Variants in EPB41 observed in about 807,000 individuals in gnomAD.
EPB41 encodes protein 4.1.
Under a neutral mutation model 108.0 loss-of-function variants are expected in EPB41, and 65 were observed. That is an observed-to-expected ratio of 0.60 (90% CI 0.49 to 0.74). EPB41 has a LOEUF of 0.74. Ranked by LOEUF, EPB41 falls within the 30% of genes least tolerant of loss-of-function variation. EPB41 has a pLI of 0.00. For missense variants in EPB41, 875 were observed against 1,037.0 expected (o/e 0.84, Z 2.15); for synonymous variants, 336 against 358.9 (o/e 0.94, Z 0.72).
At chr1:29,108,988 G>A (rs2151669465) in intron 17 of EPB41, among the ~76,000 whole-genome samples, 2 of 151,760 alleles carry the variant, frequency 1.3e-5, no homozygotes, top group African/African-American at 4.8e-5. Flanking sequence ...CACCTGAGGT[G>A]GGGAGTTTGA....
chr1:28,962,802 A>G (rs776976399), intron 1 of EPB41, among the ~76,000 whole-genome samples: 1 of 152,152 alleles, frequency 6.6e-6, no homozygotes, highest in Non-Finnish European at 1.5e-5. Flanking sequence ...TTGTTTATGT[A>G]GCTGCTGGAG....
intron 5 of EPB41, 94 bp from the exon 6 acceptor site, chr1:29,015,598 A>G: frequency 1.2e-6 from 1 of 864,196 alleles, no homozygotes; most frequent in Non-Finnish European, 1.9e-6. Context: ...AAAGAAAGAA[A>G]AAGAAAAAGA....
Position 29,065,273 on chromosome 1 carries a change from A to G in EPB41, c.2184+115A>G, listed in dbSNP as rs527543544. ...AGCTGAAATTTGGATTTGGTGCCTC[A>G]CTATATTCATTGCTGCTTTAAGGCA... On this transcript the variant is annotated intron_variant, in intron 16 of 20. Transcript: ENST00000343067. 1.7e-5 allele frequency: 24 copies of G among 1,418,290 alleles called. No individual in the cohort carries two copies. In the South Asian group the frequency reaches 3.8e-4, roughly 22 times the overall value. 87.9% of individuals were successfully genotyped at this position (1,418,290 alleles called of 1,614,324 possible).
chr1:29,090,216 T>G (rs1339269291), intron 16 of EPB41, among the ~76,000 whole-genome samples: 1 of 152,002 alleles, frequency 6.6e-6, no homozygotes, highest in Non-Finnish European at 1.5e-5. Context: ...TGAATCAAGA[T>G]TGCACCACTC....
At chr1:28,907,001 G>T (rs752947903) in intron 1 of EPB41, among the ~76,000 whole-genome samples, 105 of 151,262 alleles carry the variant, frequency 6.9e-4, no homozygotes, top group Non-Finnish European at 1.4e-3. Flanking sequence ...TCAATCTCCT[G>T]ACCTCATGAT....
chr1:29,065,070 C>T lies in EPB41; in HGVS notation c.2096C>T (p.Pro699Leu). The T allele has an allele frequency of 1.2e-6, 2 of 1,614,170 alleles. No homozygotes were observed. The highest frequency in any genetic ancestry group is 1.3e-5 in the African/African-American group (1 of 75,032). Residue 699 changes from proline to leucine, a missense_variant, in exon 16 of 21, where the codon CCA becomes CTA. Pro to Leu is a moderately conservative substitution (Grantham distance 98). This residue lies in a region of EPB41 where 519 missense variants were observed against 627.3 expected (regional missense o/e 0.83). Transcript: ENST00000343067. ...AACTTCATGGAGTCTGTACCAGAAC[C>T]ACGGCCTAGTGAATGGGATAAACGC... The part of the protein sequence containing the change: ...KKNFMESVPE[P>L]RPSEWDKRLS...
intron 1 of EPB41, among the ~76,000 whole-genome samples, chr1:28,925,286 A>AT (rs2148388497): frequency 6.6e-6 from 1 of 151,986 alleles, no homozygotes; most frequent in East Asian, 1.9e-4. Flanking sequence ...TTTAAATGAA[A>AT]TTTTTTGTAG....
At chr1:28,965,126 GTAAT>G (rs1476271623) in intron 1 of EPB41, among the ~76,000 whole-genome samples, 1 of 152,030 alleles carries the variant, frequency 6.6e-6, no homozygotes, top group Non-Finnish European at 1.5e-5. Context: ...GATGAATTCA[GTAAT>G]TATTTAATTA....
intron 17 of EPB41, among the ~76,000 whole-genome samples, chr1:29,107,404 A>G (rs1667558803): frequency 6.6e-6 from 1 of 152,122 alleles, no homozygotes; most frequent in African/African-American, 2.4e-5. Flanking sequence ...TGTTTTCTTA[A>G]CTGTACAATG....
At chr1:28,902,228 C>A (rs945877853) in intron 1 of EPB41, 29 of 985,284 alleles carry the variant, frequency 2.9e-5, no homozygotes, top group South Asian at 4.7e-5. Flanking sequence ...GCTGGGTCAA[C>A]CCTGAGGCTC....
At position 29,063,508 on chromosome 1, in the gene EPB41, C is replaced by G. The variant is rs115399203; in HGVS notation, c.2008-1474C>G. Reference sequence around the variant, plus strand: ...CGTCTCACTGATTATTCTTCTTATGCTGTTTTCCCTTTGACATTGCTTTTG... The same window carrying G: ...CGTCTCACTGATTATTCTTCTTATGGTGTTTTCCCTTTGACATTGCTTTTG... On this transcript the variant is annotated intron_variant, in intron 15 of 20. Transcript: ENST00000343067. Among the ~76,000 whole-genome samples, 1,097 of 152,270 alleles carry G rather than the reference C, an allele frequency of 7.2e-3. 13 individuals carry two copies. The highest frequency in any genetic ancestry group is 0.026 in the African/African-American group (1,065 of 41,536).
chr1:28,979,317 A>T lies in EPB41; in HGVS notation c.-7-8114A>T, dbSNP rs1468855832. ...ATACTTACAAAATTTGTAGACCACA[A>T]CCACTCTCCAAATACAAGTGCGGTG... On this transcript the variant is annotated intron_variant, in intron 1 of 20. Transcript: ENST00000343067. Among the ~76,000 whole-genome samples the T allele has an allele frequency of 2.0e-5, 3 of 151,540 alleles. No individual in the cohort carries two copies. The South Asian group carries it at 6.2e-4, about 32-fold the overall frequency.
intron 1 of EPB41, among the ~76,000 whole-genome samples, chr1:28,891,364 C>A (rs1231945762): frequency 6.6e-6 from 1 of 152,140 alleles, no homozygotes; most frequent in Non-Finnish European, 1.5e-5. Context: ...GAGGAAGAGA[C>A]TGAGGTTGGA....
intron 1 of EPB41, among the ~76,000 whole-genome samples, chr1:28,949,854 G>A (rs780055262): frequency 3.0e-4 from 46 of 151,954 alleles, no homozygotes; most frequent in Non-Finnish European, 2.9e-5. Context: ...TGCCCGCCTC[G>A]GCCTCCCAAA....
intron 20 of EPB41, among the ~76,000 whole-genome samples, chr1:29,116,101 TC>T (rs1314598015): frequency 6.7e-6 from 1 of 149,534 alleles, no homozygotes; most frequent in African/African-American, 2.5e-5. Context: ...CACTTCACCT[TC>T]CCCCTCTCTT....
intron 1 of EPB41, among the ~76,000 whole-genome samples, chr1:28,943,304 A>G (rs950567334): frequency 2.6e-5 from 4 of 152,230 alleles, no homozygotes; most frequent in African/African-American, 7.2e-5. Flanking sequence ...ACAGATGACA[A>G]ACAGGCATAT....
At chr1:29,045,458 A>T (rs1208542084) in intron 11 of EPB41, among the ~76,000 whole-genome samples, 1 of 151,326 alleles carries the variant, frequency 6.6e-6, no homozygotes, top group African/African-American at 2.4e-5. Context: ...GGCCCAGGTG[A>T]TCCTCCCACC....
rs1285034986 is a variant in EPB41 at position 29,119,876 on chromosome 1, AG to A, written c.*3066del. 2.6e-5 allele frequency: 4 copies of A among 152,682 alleles called. No homozygotes were observed. The highest frequency in any genetic ancestry group is 5.9e-5 in the Non-Finnish European group (4 of 68,044). The allele number at this position is 152,682 out of a possible 1,614,324, so 9.5% of individuals were successfully genotyped here. ...AGTTGTTTACATTTCTTGAAAAAAT[AG>A]GAACTCGGGCAGCAGAATCAGATTG... On this transcript the variant is annotated 3_prime_UTR_variant, in exon 21 of 21. Transcript: ENST00000343067.
intron 1 of EPB41, among the ~76,000 whole-genome samples, chr1:28,962,139 C>T (rs941202330): frequency 2.0e-5 from 3 of 151,886 alleles, no homozygotes; most frequent in Non-Finnish European, 4.4e-5. Flanking sequence ...TGGCTCACTA[C>T]AACCTCCGCC....
Sources: gnomAD v4.1 joint callset for allele counts (sites outside exome capture counted in the v4.1 genomes callset) on GRCh38, gnomAD v4.1.1 for gene constraint, gnomAD v4.1.1 regional missense constraint, MANE v1.5 for transcripts, NCBI Gene and HGNC (gene_info 2026-07-23, HGNC 2026-07-21) for gene names.